The following COG5 variants were observed in gnomAD, a reference collection of about 807,000 sequenced individuals.
COG5 encodes component of oligomeric golgi complex 5, also known as conserved oligomeric Golgi complex subunit 5.
COG5 carries 86 observed loss-of-function variants against 110.4 expected under a neutral mutation model. The ratio of observed to expected loss-of-function variants is 0.78; its 90% CI spans 0.65 to 0.93. COG5 has a LOEUF of 0.93. COG5 is among the 40% of genes least tolerant of loss of function. The pLI, the probability that COG5 is intolerant of heterozygous loss-of-function variation, is 0.00. For synonymous variants in COG5, 360 were observed against 334.6 expected (o/e 1.08, Z -0.83); for missense variants, 1,077 against 987.0 (o/e 1.09, Z -1.22).
At chr7:107,530,615 A>C (rs942191023) in intron 5 of COG5, among the ~76,000 whole-genome samples, 15 of 151,322 alleles carry the variant, frequency 9.9e-5, no homozygotes, top group Non-Finnish European at 1.3e-4. Flanking sequence ...AAAAAAAAAA[A>C]AAAAAAAAAA....
At chr7:107,348,104 T>G in intron 10 of COG5, among the ~76,000 whole-genome samples, 1 of 118,220 alleles carries the variant, frequency 8.5e-6, no homozygotes, top group South Asian at 2.7e-4. Context: ...CCAGCCTGGG[T>G]GACAGAGTGA....
intron 16 of COG5, among the ~76,000 whole-genome samples, chr7:107,255,617 AT>A (rs1416348271): frequency 6.6e-6 from 1 of 151,996 alleles, no homozygotes; most frequent in Non-Finnish European, 1.5e-5. Context: ...GTAGACTTTC[AT>A]CTCAATTTTA....
chr7:107,463,051 C>T (rs1291465461), intron 6 of COG5, among the ~76,000 whole-genome samples: 9 of 152,228 alleles, frequency 5.9e-5, no homozygotes, highest in Admixed American at 5.2e-4. Flanking sequence ...CTGGCACTGA[C>T]CCTGAACAAC....
At chr7:107,485,767 G>A (rs1004491479) in intron 6 of COG5, among the ~76,000 whole-genome samples, 2 of 152,230 alleles carry the variant, frequency 1.3e-5, no homozygotes, top group Middle Eastern at 3.4e-3. Context: ...GGTTGTACTT[G>A]CTTACAGAAG....
At position 107,563,903 on chromosome 7, in the gene COG5, A is replaced by T. The variant is rs537769365; in HGVS notation, c.-7T>A. On this transcript the variant is annotated 5_prime_UTR_variant, in exon 1 of 22. Transcript: ENST00000297135. Reference sequence around the variant, plus strand: ...TGCCGCCGCCACCTTCCATGTTGGCAGGTGCCGGGTTGATGTCGTCAGCAG... The same window carrying T: ...TGCCGCCGCCACCTTCCATGTTGGCTGGTGCCGGGTTGATGTCGTCAGCAG... 2 of 1,613,544 alleles carry T rather than the reference A, an allele frequency of 1.2e-6. No individual in the cohort carries two copies. The highest frequency in any genetic ancestry group is 2.7e-5 in the African/African-American group (2 of 74,952).
At chr7:107,208,498 T>C (rs1007635986) in intron 21 of COG5, 2 of 985,338 alleles carry the variant, frequency 2.0e-6, no homozygotes, top group African/African-American at 3.5e-5. Context: ...AACTGAATCC[T>C]CTTTTTAAGA....
chr7:107,365,215 ATAAAC>A (rs1389132962), intron 8 of COG5, among the ~76,000 whole-genome samples: 1 of 152,178 alleles, frequency 6.6e-6, no homozygotes, highest in East Asian at 1.9e-4. Flanking sequence ...AAGTGATAAA[ATAAAC>A]TAAGAGTTCC....
In COG5 at chr7:107,349,610, T is replaced by G. The variant is rs564232456; in HGVS notation, c.1026+12423A>C. ...TCTCGCTCTGTCGCCCAGGCTGGAGTGCGGTGGTCCGATCTCGGCTCACTG... is the reference window on the plus strand; with the variant it reads ...TCTCGCTCTGTCGCCCAGGCTGGAGGGCGGTGGTCCGATCTCGGCTCACTG... On this transcript the variant is annotated intron_variant, in intron 10 of 21. Coordinates refer to ENST00000297135, the MANE Select transcript of COG5 (RefSeq NM_006348.5). Among the ~76,000 whole-genome samples the G allele has an allele frequency of 2.0e-3, 299 of 151,734 alleles. 2 individuals are homozygous for G. The highest frequency in any genetic ancestry group is 6.8e-3 in the African/African-American group (282 of 41,324).
At chr7:107,517,215 C>T (rs1454183490) in intron 6 of COG5, among the ~76,000 whole-genome samples, 4 of 151,294 alleles carry the variant, frequency 2.6e-5, no homozygotes, top group East Asian at 1.9e-4. Flanking sequence ...TATCAACAGC[C>T]GAATAGATCA....
intron 6 of COG5, among the ~76,000 whole-genome samples, chr7:107,459,719 C>G (rs924875495): frequency 6.6e-6 from 1 of 151,704 alleles, no homozygotes; most frequent in East Asian, 1.9e-4. Context: ...TTGCCTGAGT[C>G]CAGGAGGTTG....
At chr7:107,500,387 A>G (rs937111066) in intron 6 of COG5, among the ~76,000 whole-genome samples, 5 of 152,186 alleles carry the variant, frequency 3.3e-5, no homozygotes, top group African/African-American at 1.2e-4. Context: ...AGATGTTACT[A>G]ATCTCTGTAA....
At chr7:107,270,303 C>T (rs939802040) in intron 14 of COG5, among the ~76,000 whole-genome samples, 6 of 149,708 alleles carry the variant, frequency 4.0e-5, no homozygotes, top group South Asian at 2.1e-4. Flanking sequence ...TCTATTACTC[C>T]GGCTGGAGTG....
chr7:107,507,294 T>C (rs1799088133), intron 6 of COG5, among the ~76,000 whole-genome samples: 1 of 140,778 alleles, frequency 7.1e-6, no homozygotes. Flanking sequence ...TTCCTTTTCT[T>C]TTCTTTTTTT....
intron 6 of COG5, among the ~76,000 whole-genome samples, chr7:107,437,411 C>T (rs1393902647): frequency 6.6e-6 from 1 of 152,128 alleles, no homozygotes; most frequent in Non-Finnish European, 1.5e-5. Context: ...AGGTTAAGAA[C>T]CATAGTAACT....
intron 6 of COG5, among the ~76,000 whole-genome samples, chr7:107,494,114 A>G (rs1160573073): frequency 1.3e-5 from 2 of 152,180 alleles, no homozygotes; most frequent in African/African-American, 2.4e-5. Context: ...ATTTAAGTTT[A>G]TATTTAATAT....
chr7:107,347,351 A>G (rs1811714061), intron 10 of COG5, among the ~76,000 whole-genome samples: 1 of 152,198 alleles, frequency 6.6e-6, no homozygotes, highest in Non-Finnish European at 1.5e-5. Context: ...GGGATGAGAG[A>G]GAGAGAATGA....
chr7:107,373,278 G>A (rs1814342722), intron 7 of COG5, among the ~76,000 whole-genome samples: 1 of 152,100 alleles, frequency 6.6e-6, no homozygotes, highest in Non-Finnish European at 1.5e-5. Flanking sequence ...AAAAACAGTA[G>A]TGAAACAAAA....
At chr7:107,445,133 C>G (rs1162740943) in intron 6 of COG5, among the ~76,000 whole-genome samples, 1 of 151,594 alleles carries the variant, frequency 6.6e-6, no homozygotes, top group Non-Finnish European at 1.5e-5. Flanking sequence ...CCCAGGAGCT[C>G]GAAGCTGCAG....
chr7:107,323,304 C>T (rs1226191611), intron 11 of COG5, among the ~76,000 whole-genome samples: 4 of 151,992 alleles, frequency 2.6e-5, no homozygotes, highest in Admixed American at 6.6e-5. Flanking sequence ...CAAGGCGGGC[C>T]GATCATTTGA....
Sources: gnomAD v4.1 joint callset for allele counts (sites outside exome capture counted in the v4.1 genomes callset) on GRCh38, gnomAD v4.1.1 for gene constraint, MANE v1.5 for transcripts, NCBI Gene and HGNC (gene_info 2026-07-23, HGNC 2026-07-21) for gene names.